The following DENND1A variants were observed in gnomAD, a reference collection of about 807,000 sequenced individuals.
DENND1A encodes DENN domain containing 1A, also known as DENN domain-containing protein 1A.
In DENND1A, 51 loss-of-function variants were observed where a neutral mutation model predicts 113.7. That is an observed-to-expected ratio of 0.45 (90% CI 0.36 to 0.57). The LOEUF is 0.57. Among genes scored for constraint, DENND1A ranks in the 20% least tolerant of loss-of-function variants. The probability of loss-of-function intolerance (pLI) is 0.00; values close to 1 mark genes in which losing one functional copy is unlikely to be tolerated. For missense variants in DENND1A, 1,258 were observed against 1,395.9 expected (o/e 0.90, Z 1.57); for synonymous variants, 565 against 570.8 (o/e 0.99, Z 0.14).
At chr9:123,902,301 C>T (rs1399250893) in intron 1 of DENND1A, among the ~76,000 whole-genome samples, 1 of 152,100 alleles carries the variant, frequency 6.6e-6, no homozygotes, top group Admixed American at 6.6e-5. Context: ...ATAATAATTA[C>T]ACACAAAAAG....
At chr9:123,516,884 C>CAAAAAAAAAAAAAAAAA (rs546001517) in intron 13 of DENND1A, among the ~76,000 whole-genome samples, 50 of 93,370 alleles carry the variant, frequency 5.4e-4, no homozygotes, top group Admixed American at 7.4e-4. Context: ...GACTCTGTCT[C>CAAAAAAAAAAAAAAAAA]AAAAAAAAAA....
At chr9:123,622,678 C>G (rs2138292820) in intron 10 of DENND1A, among the ~76,000 whole-genome samples, 1 of 152,236 alleles carries the variant, frequency 6.6e-6, no homozygotes, top group South Asian at 2.1e-4. Context: ...GGCTGTGTGA[C>G]AGTAGGTAAG....
At chr9:123,649,860 G>A (rs2062548012) in intron 9 of DENND1A, among the ~76,000 whole-genome samples, 1 of 152,162 alleles carries the variant, frequency 6.6e-6, no homozygotes, top group South Asian at 2.1e-4. Flanking sequence ...AAATCACACA[G>A]AAGGTTCATT....
chr9:123,415,854 A>C (rs1262936148), intron 19 of DENND1A, among the ~76,000 whole-genome samples: 2 of 152,096 alleles, frequency 1.3e-5, no homozygotes, highest in Admixed American at 1.3e-4. Flanking sequence ...GCCATCGGCC[A>C]TGGTGGTTGC....
chr9:123,501,872 C>T (rs1406816732), intron 13 of DENND1A, among the ~76,000 whole-genome samples: 1 of 152,212 alleles, frequency 6.6e-6, no homozygotes, highest in Non-Finnish European at 1.5e-5. Context: ...GATCAGACTC[C>T]AAGTTCTTCA....
chr9:123,846,739 T>G (rs1842674772), intron 2 of DENND1A, among the ~76,000 whole-genome samples: 1 of 152,210 alleles, frequency 6.6e-6, no homozygotes, highest in Non-Finnish European at 1.5e-5. Context: ...TACAAAGTTT[T>G]TATTTGAGGT....
intron 13 of DENND1A, among the ~76,000 whole-genome samples, chr9:123,459,641 G>A (rs2048385222): frequency 6.6e-6 from 1 of 152,102 alleles, no homozygotes; most frequent in African/African-American, 2.4e-5. Flanking sequence ...TTTCAGCGGT[G>A]TATTCTCAAT....
At chr9:123,679,014 T>C (rs1443400919) in intron 5 of DENND1A, among the ~76,000 whole-genome samples, 1 of 152,120 alleles carries the variant, frequency 6.6e-6, no homozygotes, top group Non-Finnish European at 1.5e-5. Flanking sequence ...GTAAACAAAT[T>C]TGACCAAGGA....
chr9:123,476,768 G>T (rs182150793), intron 13 of DENND1A, among the ~76,000 whole-genome samples: 5 of 152,126 alleles, frequency 3.3e-5, no homozygotes, highest in African/African-American at 1.2e-4. Context: ...TTTAATTCTC[G>T]TAACCACCCA....
chr9:123,754,633 T>C (rs1200040140), intron 5 of DENND1A, among the ~76,000 whole-genome samples: 2 of 152,216 alleles, frequency 1.3e-5, no homozygotes, highest in South Asian at 2.1e-4. Context: ...TCAAGGACAG[T>C]GACTAGCTAA....
chr9:123,739,914 A>G (rs1286087775), intron 5 of DENND1A, among the ~76,000 whole-genome samples: 1 of 143,704 alleles, frequency 7.0e-6, no homozygotes, highest in Non-Finnish European at 1.5e-5. Flanking sequence ...ATTCCCTGGT[A>G]CATAGGAGAA....
chr9:123,635,557 T>A (rs543935130), intron 9 of DENND1A, among the ~76,000 whole-genome samples: 1 of 152,378 alleles, frequency 6.6e-6, no homozygotes, highest in East Asian at 1.9e-4. Context: ...CATTGTTAAA[T>A]GACACAGATA....
At chr9:123,840,111 G>T (rs1841611497) in intron 2 of DENND1A, among the ~76,000 whole-genome samples, 1 of 147,936 alleles carries the variant, frequency 6.8e-6, no homozygotes. Context: ...AAGAATTCTG[G>T]ATCAATTTAT....
At chr9:123,516,613 C>G (rs1206862280) in intron 13 of DENND1A, among the ~76,000 whole-genome samples, 1 of 152,080 alleles carries the variant, frequency 6.6e-6, no homozygotes, top group Non-Finnish European at 1.5e-5. Context: ...GTAGGCCAGG[C>G]ACGGTGGCTC....
Position 123,382,344 on chromosome 9 carries a change from C to T in DENND1A, c.2301G>A (p.Lys767=), listed in dbSNP as rs1302208224. Residue 767 remains lysine, a synonymous_variant, in exon 24 of 24, where the codon AAG becomes AAA. Coordinates refer to ENST00000394215, the MANE Select transcript of DENND1A (RefSeq NM_001352964.2). Reference sequence around the variant, plus strand: ...GAGGCACGATGCCCAGCTCTGGGGTCTTCCTGCCTTGGGGCCGGGGGATGG... The same window carrying T: ...GAGGCACGATGCCCAGCTCTGGGGTTTTCCTGCCTTGGGGCCGGGGGATGG... ...SITIPRPQGR[K]TPELGIVPPP... 8.1e-6 allele frequency: 13 copies of T among 1,604,690 alleles called. No homozygotes were observed. The highest frequency in any genetic ancestry group is 1.0e-5 in the Non-Finnish European group (12 of 1,175,756).
intron 5 of DENND1A, among the ~76,000 whole-genome samples, chr9:123,754,369 G>C (rs144074656): frequency 2.0e-5 from 3 of 152,224 alleles, no homozygotes; most frequent in Non-Finnish European, 4.4e-5. Flanking sequence ...ACCCAACAGA[G>C]GGAAAGTGTC....
chr9:123,895,247 T>C (rs1850546126), intron 1 of DENND1A, among the ~76,000 whole-genome samples: 1 of 152,108 alleles, frequency 6.6e-6, no homozygotes, highest in South Asian at 2.1e-4. Flanking sequence ...TAAGTACCCT[T>C]CAGATCCTCC....
intron 13 of DENND1A, among the ~76,000 whole-genome samples, chr9:123,483,424 C>G (rs2050519164): frequency 6.6e-6 from 1 of 152,220 alleles, no homozygotes; most frequent in South Asian, 2.1e-4. Flanking sequence ...TCCAGGAACT[C>G]AGGAGACAAA....
At chr9:123,581,389 T>C (rs914082377) in intron 12 of DENND1A, among the ~76,000 whole-genome samples, 1 of 152,092 alleles carries the variant, frequency 6.6e-6, no homozygotes, top group East Asian at 1.9e-4. Flanking sequence ...ATCCCAGCAC[T>C]TAGGGAGGCT....
Sources: gnomAD v4.1 joint callset for allele counts (sites outside exome capture counted in the v4.1 genomes callset) on GRCh38, gnomAD v4.1.1 for gene constraint, MANE v1.5 for transcripts, NCBI Gene and HGNC (gene_info 2026-07-23, HGNC 2026-07-21) for gene names.